ARMC2: variants seen among roughly 807,000 people sequenced by gnomAD.
ARMC2 encodes armadillo repeat-containing protein 2.
A neutral mutation model predicts 90.3 loss-of-function variants in ARMC2; 67 were observed. The ratio of observed to expected loss-of-function variants is 0.74; its 90% CI spans 0.61 to 0.91. The LOEUF (loss-of-function observed/expected upper bound fraction) is 0.91. Ranked by LOEUF, ARMC2 falls within the 40% of genes least tolerant of loss-of-function variation. The pLI, the probability that ARMC2 is intolerant of heterozygous loss-of-function variation, is 0.00. For synonymous variants in ARMC2, 393 were observed against 393.0 expected (o/e 1.00, Z 0.00); for missense variants, 920 against 1,030.9 (o/e 0.89, Z 1.47).
intron 3 of ARMC2, among the ~76,000 whole-genome samples, chr6:108,862,342 C>CAAAAAAA (rs71551359): frequency 3.8e-4 from 14 of 36,560 alleles, no homozygotes; most frequent in East Asian, 8.3e-4. Flanking sequence ...AGACTCATCT[C>CAAAAAAA]AAAAAAAAAA....
At chr6:109,043,529 A>C in the ARMC2 span, among the ~76,000 whole-genome samples, 1,164 of 152,318 alleles carry the variant, frequency 7.6e-3, 22 homozygotes, top group African/African-American at 0.027. Flanking sequence ...AGCAGGTTGC[A>C]GGATACAAAG....
intron 2 of ARMC2, chr6:108,856,597 G>T: frequency 4.8e-6 from 1 of 208,254 alleles, no homozygotes; most frequent in South Asian, 8.3e-5. Context: ...CACAAAGATG[G>T]GCTTGGCTCT....
At chr6:109,012,672 G>A in the ARMC2 span, among the ~76,000 whole-genome samples, 1 of 152,102 alleles carries the variant, frequency 6.6e-6, no homozygotes, top group Non-Finnish European at 1.5e-5. Flanking sequence ...GAGAGTTTGG[G>A]AGAATAGACA....
intron 15 of ARMC2, among the ~76,000 whole-genome samples, chr6:108,962,774 G>A (rs117747094): frequency 0.013 from 2,007 of 152,304 alleles, 30 homozygotes; most frequent in South Asian, 0.031. Context: ...GGAGGCTAAG[G>A]TGGGAGGATT....
chr6:109,009,212 A>C, the ARMC2 span: 1 of 825,610 alleles, frequency 1.2e-6, no homozygotes, highest in Non-Finnish European at 1.6e-6. Flanking sequence ...GCTCCCCGGG[A>C]GCCCGCCCTA....
chr6:109,037,057 T>C, the ARMC2 span, among the ~76,000 whole-genome samples: 1 of 152,188 alleles, frequency 6.6e-6, no homozygotes, highest in Non-Finnish European at 1.5e-5. Context: ...AAAATATAGC[T>C]GTTATATTCC....
At chr6:109,030,618 AG>A in the ARMC2 span, among the ~76,000 whole-genome samples, 1 of 152,346 alleles carries the variant, frequency 6.6e-6, no homozygotes, top group South Asian at 2.1e-4. Flanking sequence ...TATGTCACAA[AG>A]GAAAAAAATA....
chr6:109,007,463 G>A, the ARMC2 span, among the ~76,000 whole-genome samples: 3 of 152,004 alleles, frequency 2.0e-5, no homozygotes, highest in African/African-American at 7.2e-5. Flanking sequence ...TGTTTTCCTC[G>A]CTACACTATT....
At chr6:108,981,257 A>G in the ARMC2 span, among the ~76,000 whole-genome samples, 1 of 152,174 alleles carries the variant, frequency 6.6e-6, no homozygotes, top group East Asian at 1.9e-4. Flanking sequence ...TCTCTTCCAT[A>G]CTTAGCTGCT....
the ARMC2 span, among the ~76,000 whole-genome samples, chr6:108,997,318 A>G: frequency 6.6e-6 from 1 of 152,202 alleles, no homozygotes; most frequent in Non-Finnish European, 1.5e-5. Flanking sequence ...AAGGAGAAGA[A>G]TCCATCTCCT....
the ARMC2 span, chr6:109,009,512 C>A: frequency 2.5e-6 from 3 of 1,200,046 alleles, no homozygotes; most frequent in Middle Eastern, 3.3e-4. Context: ...GCTGGGCAGC[C>A]GGCCGCGGCT....
intron 10 of ARMC2, among the ~76,000 whole-genome samples, chr6:108,919,610 TTTTC>T (rs1364644695): frequency 4.6e-5 from 7 of 152,222 alleles, no homozygotes; most frequent in African/African-American, 1.7e-4. Context: ...AGGTTTTTAA[TTTTC>T]TTTTTGTTTT....
chr6:109,014,181 A>C, the ARMC2 span, among the ~76,000 whole-genome samples: 1 of 152,198 alleles, frequency 6.6e-6, no homozygotes, highest in Non-Finnish European at 1.5e-5. Context: ...ATTTGTAAAT[A>C]AGTAGTATTC....
intron 12 of ARMC2, among the ~76,000 whole-genome samples, chr6:108,938,980 GT>G (rs966219491): frequency 1.3e-5 from 2 of 151,026 alleles, no homozygotes; most frequent in African/African-American, 2.4e-5. Context: ...ATGTCCTAAA[GT>G]TTTTTTTTGT....
chr6:108,985,884 T>C, the ARMC2 span, among the ~76,000 whole-genome samples: 1 of 152,170 alleles, frequency 6.6e-6, no homozygotes, highest in African/African-American at 2.4e-5. Context: ...ATAAAACATA[T>C]TGAAGATAAT....
At chr6:108,865,958 G>C (rs1775770598) in intron 3 of ARMC2, among the ~76,000 whole-genome samples, 1 of 150,982 alleles carries the variant, frequency 6.6e-6, no homozygotes, top group African/African-American at 2.4e-5. Context: ...TCAAGGCTGT[G>C]GTGAGCCATG....
intron 14 of ARMC2, 109 bp from the exon 15 acceptor site, chr6:108,961,905 A>C: frequency 1.0e-6 from 1 of 980,380 alleles, no homozygotes; most frequent in East Asian, 2.6e-5. Flanking sequence ...ACAGTTTGTA[A>C]TTTATTATCA....
chr6:108,994,695 T>TAA, the ARMC2 span: 1 of 770,598 alleles, frequency 1.3e-6, no homozygotes, highest in Non-Finnish European at 1.8e-6. Flanking sequence ...TAAGAATTTA[T>TAA]ATCTTTTTTT....
rs77871779 is a variant in ARMC2 at position 108,884,459 on chromosome 6, T to G, written c.671+8109T>G. 4.2e-3 allele frequency among the ~76,000 whole-genome samples: 637 copies of G among 152,212 alleles called. 3 individuals carry two copies. The highest frequency in any genetic ancestry group is 0.014 in the African/African-American group (597 of 41,526). On this transcript the variant is annotated intron_variant, in intron 5 of 17. Transcript: ENST00000392644. Reference sequence around the variant, plus strand: ...AACTGAAAGAAGGTATACTGAAAATTTAGAGGTCAGAGCAGCTAATTCTGA... The same window carrying G: ...AACTGAAAGAAGGTATACTGAAAATGTAGAGGTCAGAGCAGCTAATTCTGA...
Sources: gnomAD v4.1 joint callset for allele counts (sites outside exome capture counted in the v4.1 genomes callset) on GRCh38, gnomAD v4.1.1 for gene constraint, MANE v1.5 for transcripts, NCBI Gene and HGNC (gene_info 2026-07-23, HGNC 2026-07-21) for gene names.